SCAF8: variants seen among roughly 807,000 people sequenced by gnomAD.
SCAF8 encodes SR-related CTD associated factor 8.
SCAF8 carries 23 observed loss-of-function variants against 140.5 expected under a neutral mutation model. The ratio of observed to expected loss-of-function variants is 0.16; its 90% CI spans 0.12 to 0.23. SCAF8 has a LOEUF of 0.23. Among genes scored for constraint, SCAF8 ranks in the 10% least tolerant of loss-of-function variants. SCAF8 has a pLI of 1.00. For synonymous variants in SCAF8, 575 were observed against 528.9 expected (o/e 1.09, Z -1.20); for missense variants, 1,397 against 1,555.7 (o/e 0.90, Z 1.72).
At chr6:154,783,700 A>T (rs61172532) in intron 3 of SCAF8, among the ~76,000 whole-genome samples, 1 of 152,178 alleles carries the variant, frequency 6.6e-6, no homozygotes, top group Non-Finnish European at 1.5e-5. Context: ...GGATATGTAT[A>T]TATTTTTCAA....
At chr6:154,794,779 GGGTGTGTGTGTGTGTGT>G (rs1562449851) in intron 5 of SCAF8, among the ~76,000 whole-genome samples, 2 of 26,378 alleles carry the variant, frequency 7.6e-5, no homozygotes, top group African/African-American at 3.6e-4. Flanking sequence ...GGGGTGTGGG[GGGTGTGTGTGTGTGTGT>G]GTGTGTGTGT....
At chr6:154,814,075 C>G (rs1284538657) in intron 12 of SCAF8, among the ~76,000 whole-genome samples, 1 of 152,238 alleles carries the variant, frequency 6.6e-6, no homozygotes, top group Non-Finnish European at 1.5e-5. Context: ...TGGTGGCTTG[C>G]CTCTGTAATT....
At chr6:154,824,858 G>GTT (rs1778518843) in intron 17 of SCAF8, 1 of 152,344 alleles carries the variant, frequency 6.6e-6, no homozygotes, top group Non-Finnish European at 1.5e-5. Flanking sequence ...CAGGAGAATG[G>GTT]TTTGAACCTG....
chr6:154,779,813 T>C (rs73793007), intron 3 of SCAF8, among the ~76,000 whole-genome samples: 3 of 151,698 alleles, frequency 2.0e-5, no homozygotes, highest in Non-Finnish European at 4.4e-5. Context: ...ACTTTTTTTT[T>C]ATACTTTTGA....
chr6:154,736,325 C>T (rs1778419843), intron 1 of SCAF8, among the ~76,000 whole-genome samples: 2 of 137,622 alleles, frequency 1.5e-5, no homozygotes, highest in Admixed American at 1.6e-4. Flanking sequence ...GGCTGGAGTG[C>T]AATGGCGAGA....
chr6:154,792,992 A>G lies in SCAF8; in HGVS notation c.475+16A>G. ...AATACTCCAGGTATGTTGCTTTAAT[A>G]TAGATTTGTTGTCTAAATATTCTAC... On this transcript the variant is annotated intron_variant, in intron 5 of 19. Transcript: ENST00000367178. 6.3e-7 allele frequency: 1 copy of G among 1,585,566 alleles called. No individual in the cohort carries two copies. The highest frequency in any genetic ancestry group is 8.6e-7 in the Non-Finnish European group (1 of 1,167,734).
chr6:154,745,441 A>G (rs1778674998), intron 1 of SCAF8, among the ~76,000 whole-genome samples: 1 of 152,054 alleles, frequency 6.6e-6, no homozygotes, highest in African/African-American at 2.4e-5. Context: ...TGGTGTGATC[A>G]TGGCTCACTG....
chr6:154,733,781 C>A lies in SCAF8; in HGVS notation c.-120C>A, dbSNP rs1042652902. ...ACTCCGCCCCGAGGTCGCAGCGGCC[C>A]GCTCTCCCGCCAGCGCCCCCTCCTC... is the stretch of plus-strand genomic sequence containing the variant. On this transcript the variant is annotated 5_prime_UTR_variant, in exon 1 of 20. Coordinates refer to ENST00000367178, the MANE Select transcript of SCAF8 (RefSeq NM_014892.5). 4 of 1,380,368 alleles carry A rather than the reference C, an allele frequency of 2.9e-6. No individual in the cohort carries two copies. The highest frequency in any genetic ancestry group is 2.8e-6 in the Non-Finnish European group (3 of 1,070,118). 85.5% of individuals were successfully genotyped at this position (1,380,368 alleles called of 1,614,324 possible). A position where few individuals can be genotyped will look rare whatever the true frequency, so the allele number is the denominator to read the frequency against.
intron 1 of SCAF8, among the ~76,000 whole-genome samples, chr6:154,770,582 GAA>G (rs559849102): frequency 1.2e-4 from 18 of 147,058 alleles, no homozygotes; most frequent in Admixed American, 2.0e-4. Flanking sequence ...TGAAGAAGGA[GAA>G]AAAAAAAAAT....
chr6:154,824,770 C>G (rs1778515778), intron 17 of SCAF8: 1 of 156,402 alleles, frequency 6.4e-6, no homozygotes. Flanking sequence ...TGGTGAAATC[C>G]CATCTGTACT....
Position 154,786,029 on chromosome 6 carries a change from C to G in SCAF8, c.160-1832C>G, listed in dbSNP as rs148820269. Among the ~76,000 whole-genome samples the G allele has an allele frequency of 1.9e-3, 295 of 152,278 alleles. 1 individual carries two copies. Among genetic ancestry groups the G allele is most frequent in the African/African-American group, 6.6e-3 (276 of 41,562 alleles). On this transcript the variant is annotated intron_variant, in intron 3 of 19. Transcript: ENST00000367178. ...GGGTTCACCTTGCCTGCTGCCTAGA[C>G]AGAGCCAATTTATCAAGACAGGAGA... is the stretch of plus-strand genomic sequence containing the variant.
chr6:154,820,122 GT>G (rs1778373257), intron 14 of SCAF8, 54 bp from the exon 15 acceptor site: 1 of 1,366,998 alleles, frequency 7.3e-7, no homozygotes, highest in Non-Finnish European at 9.7e-7. Flanking sequence ...TTTTTACCTT[GT>G]TTTTATAGTA....
At chr6:154,827,145 T>A (rs776448823) in intron 17 of SCAF8, 27 bp from the exon 18 acceptor site, 2 of 1,578,814 alleles carry the variant, frequency 1.3e-6, no homozygotes, top group Admixed American at 1.9e-5. Context: ...TCTTGTGCTA[T>A]TTTTTGGGGT....
intron 7 of SCAF8, among the ~76,000 whole-genome samples, chr6:154,803,340 G>A (rs566868928): frequency 6.6e-6 from 1 of 151,914 alleles, no homozygotes; most frequent in African/African-American, 2.4e-5. Flanking sequence ...AATTTGTTTT[G>A]TTATGTAAGA....
chr6:154,831,009 C>A lies in SCAF8; in HGVS notation c.2228C>A (p.Ala743Asp). 2 of 1,614,032 alleles carry A rather than the reference C, an allele frequency of 1.2e-6. No homozygotes were observed. The highest frequency in any genetic ancestry group is 2.2e-5 in the South Asian group (2 of 91,084). The change falls in exon 19 of 20, where the codon GCC becomes GAC. Residue 743 changes from alanine to aspartate, a missense_variant. Ala to Asp is a moderately radical substitution (Grantham distance 126, BLOSUM62 -2). Around this residue, in one of 5 missense-constraint regions of SCAF8, gnomAD observed 930 missense variants for 874.6 expected, o/e 1.06. Coordinates refer to ENST00000367178, the MANE Select transcript of SCAF8 (RefSeq NM_014892.5). ...CTTGTTATACCAGGCGGTTCTGTTG[C>A]CAGCAATCTTGCTACTTCCGCTCTG... is the stretch of plus-strand genomic sequence containing the variant. Reference protein sequence around the residue: ...GSLVIPGGSVASNLATSALPA... With the variant: ...GSLVIPGGSVDSNLATSALPA...
At chr6:154,740,379 G>C (rs947100094) in intron 1 of SCAF8, among the ~76,000 whole-genome samples, 1 of 151,966 alleles carries the variant, frequency 6.6e-6, no homozygotes, top group South Asian at 2.1e-4. Flanking sequence ...TGTTTCTTTG[G>C]GGGCACAGTG....
chr6:154,813,622 T>TA (rs1778158382), intron 12 of SCAF8, among the ~76,000 whole-genome samples: 1 of 152,182 alleles, frequency 6.6e-6, no homozygotes, highest in Non-Finnish European at 1.5e-5. Context: ...CCCTAAAAGG[T>TA]ATCTACATTT....
chr6:154,786,586 C>CA (rs1371695352), intron 3 of SCAF8, among the ~76,000 whole-genome samples: 1 of 152,196 alleles, frequency 6.6e-6, no homozygotes, highest in African/African-American at 2.4e-5. Context: ...ACTAAATTCC[C>CA]TCCCAAGGTT....
At chr6:154,809,907 C>G (rs141220992) in intron 11 of SCAF8, 108 bp from the exon 12 acceptor site, 1 of 913,652 alleles carries the variant, frequency 1.1e-6, no homozygotes, top group Admixed American at 2.3e-5. Flanking sequence ...CATATTGTCA[C>G]TAAATATAAG....
Sources: allele counts gnomAD v4.1 joint callset (sites outside exome capture counted in the v4.1 genomes callset), GRCh38; gene constraint gnomAD v4.1.1; regional missense constraint gnomAD v4.1.1; transcripts MANE v1.5; gene names NCBI Gene and HGNC (gene_info 2026-07-23, HGNC 2026-07-21).